The following DUXA variants were observed in gnomAD, a reference collection of about 807,000 sequenced individuals.
The protein encoded by DUXA is double homeobox protein A.
In DUXA, 25 loss-of-function variants were observed where a neutral mutation model predicts 27.5. That is an observed-to-expected ratio of 0.91 (90% CI 0.66 to 1.27). The LOEUF (loss-of-function observed/expected upper bound fraction) is 1.27. Ranked by LOEUF, DUXA falls within the 50% of genes most tolerant of loss-of-function variation. The pLI, the probability that DUXA is intolerant of heterozygous loss-of-function variation, is 0.00. For synonymous variants in DUXA, 90 were observed against 80.5 expected (o/e 1.12, Z -0.63); for missense variants, 247 against 242.9 (o/e 1.02, Z -0.11).
chr19:57,159,385 ATTAC>A (rs2087008949), intron 2 of DUXA, 107 bp from the exon 3 acceptor site: 2 of 967,694 alleles, frequency 2.1e-6, no homozygotes, highest in Admixed American at 2.6e-5. Flanking sequence ...GCCCAGGATT[ATTAC>A]TTACTTCTGT....
chr19:57,163,634 T>C (rs1330281942), intron 1 of DUXA, among the ~76,000 whole-genome samples: 1 of 151,752 alleles, frequency 6.6e-6, no homozygotes, highest in Non-Finnish European at 1.5e-5. Context: ...AGTGGAGACG[T>C]GGTTTTGCCA....
In DUXA at chr19:57,154,850, T is replaced by A. The variant is rs180964587; in HGVS notation, c.545-368A>T. ...AGTGCTGGGATTACAGGCGTGAGCC[T>A]CCATGCCCAGCCCCCACCTTTTCAA... is the stretch of plus-strand genomic sequence containing the variant. On this transcript the variant is annotated intron_variant, in intron 5 of 5. Coordinates refer to ENST00000554048, the MANE Select transcript of DUXA (RefSeq NM_001012729.2). Among the ~76,000 whole-genome samples the A allele has an allele frequency of 2.6e-3, 403 of 152,180 alleles. 1 individual carries two copies. Among genetic ancestry groups the A allele is most frequent in the Non-Finnish European group, 3.6e-3 (242 of 67,988 alleles).
intron 1 of DUXA, among the ~76,000 whole-genome samples, chr19:57,164,487 A>G (rs1034665444): frequency 6.6e-6 from 1 of 152,160 alleles, no homozygotes; most frequent in African/African-American, 2.4e-5. Flanking sequence ...AGGCGAGAGA[A>G]TCGCTTGAAC....
chr19:57,160,544 C>G (rs1031687125), intron 2 of DUXA, 99 bp downstream of exon 2: 15 of 1,408,338 alleles, frequency 1.1e-5, no homozygotes, highest in African/African-American at 7.2e-5. Flanking sequence ...ATACTCCCTA[C>G]CAAGCCCTCA....
intron 3 of DUXA, 56 bp from the exon 4 acceptor site, chr19:57,158,529 A>C (rs2087004081): frequency 6.3e-6 from 10 of 1,586,092 alleles, no homozygotes; most frequent in Non-Finnish European, 8.6e-7. Context: ...GCAAGGGTCC[A>C]TTCACATATT....
intron 1 of DUXA, among the ~76,000 whole-genome samples, chr19:57,164,135 C>G (rs1005040604): frequency 6.6e-6 from 1 of 152,208 alleles, no homozygotes; most frequent in Non-Finnish European, 1.5e-5. Context: ...CTAATGAACA[C>G]TGATGCAAAA....
intron 5 of DUXA, 85 bp from the exon 6 acceptor site, chr19:57,154,567 C>CTTTTT: frequency 6.4e-6 from 5 of 776,744 alleles, no homozygotes; most frequent in Middle Eastern, 3.8e-4. Flanking sequence ...CCCACCTTTT[C>CTTTTT]TTTTTTTTTT....
chr19:57,161,976 A>G (rs2087026320), intron 1 of DUXA, among the ~76,000 whole-genome samples: 1 of 152,004 alleles, frequency 6.6e-6, no homozygotes, highest in Non-Finnish European at 1.5e-5. Context: ...TGCAGCTTTC[A>G]CCTCCACAGG....
chr19:57,156,769 A>G (rs567230333), intron 4 of DUXA, among the ~76,000 whole-genome samples: 2 of 152,160 alleles, frequency 1.3e-5, no homozygotes, highest in East Asian at 3.9e-4. Context: ...GGTTCAAGCA[A>G]TTCTCCTGCC....
chr19:57,165,878 A>T (rs1331668136), intron 1 of DUXA, among the ~76,000 whole-genome samples: 1 of 151,994 alleles, frequency 6.6e-6, no homozygotes, highest in Non-Finnish European at 1.5e-5. Flanking sequence ...TTGATCTTTA[A>T]GGAGCTGAAA....
At chr19:57,165,320 A>ATATATATATATACATAT in intron 1 of DUXA, among the ~76,000 whole-genome samples, 1 of 96,638 alleles carries the variant, frequency 1.0e-5, no homozygotes, top group East Asian at 2.6e-4. Context: ...AAAAAAAAAA[A>ATATATATATATACATAT]AAAAATATAT....
At position 57,154,362 on chromosome 19, in the gene DUXA, C is replaced by T; in HGVS notation, c.*50G>A. On this transcript the variant is annotated 3_prime_UTR_variant, in exon 6 of 6. Coordinates refer to ENST00000554048, the MANE Select transcript of DUXA (RefSeq NM_001012729.2). ...ATAGACTCCCAGGAAGACCGTGAGACAGATTTGGGGTCCAGTTGATATTAT... is the reference window on the plus strand; with the variant it reads ...ATAGACTCCCAGGAAGACCGTGAGATAGATTTGGGGTCCAGTTGATATTAT... 1 of 1,536,146 alleles carries T rather than the reference C, an allele frequency of 6.5e-7. No homozygotes were observed. The highest frequency in any genetic ancestry group is 9.0e-7 in the Non-Finnish European group (1 of 1,110,728).
chr19:57,167,040 T>C (rs2087058499), intron 1 of DUXA, among the ~76,000 whole-genome samples: 1 of 152,174 alleles, frequency 6.6e-6, no homozygotes, highest in Non-Finnish European at 1.5e-5. Context: ...AGGAAAGTGC[T>C]TTCCAGATCT....
At chr19:57,156,627 A>G (rs1228885687) in intron 4 of DUXA, among the ~76,000 whole-genome samples, 6 of 151,772 alleles carry the variant, frequency 4.0e-5, no homozygotes, top group African/African-American at 1.5e-4. Flanking sequence ...AGCCTCTAAA[A>G]CTGCTGGGAT....
At chr19:57,162,421 A>G (rs778944228) in intron 1 of DUXA, among the ~76,000 whole-genome samples, 6 of 152,202 alleles carry the variant, frequency 3.9e-5, no homozygotes, top group Non-Finnish European at 7.3e-5. Flanking sequence ...GGAAGATACC[A>G]TTTCGTAACA....
chr19:57,159,676 G>C lies in DUXA; in HGVS notation c.181-398C>G, dbSNP rs957217233. Reference sequence around the variant, plus strand: ...GATCCACCCACCTCGGCTTCCCAAAGTGCTGGGATTATAAGCATGACCTAC... The same window carrying C: ...GATCCACCCACCTCGGCTTCCCAAACTGCTGGGATTATAAGCATGACCTAC... On this transcript the variant is annotated intron_variant, in intron 2 of 5. Transcript: ENST00000554048. Among the ~76,000 whole-genome samples, 9 of 151,564 alleles carry C rather than the reference G, an allele frequency of 5.9e-5. No individual in the cohort carries two copies. In the South Asian group the frequency reaches 1.9e-3, roughly 32 times the overall value.
At chr19:57,154,787 TCTC>T (rs1481204625) in intron 5 of DUXA, among the ~76,000 whole-genome samples, 1 of 152,028 alleles carries the variant, frequency 6.6e-6, no homozygotes, top group Non-Finnish European at 1.5e-5. Context: ...ATGGTCTCGA[TCTC>T]CTGACCTCGT....
chr19:57,157,783 G>A (rs1016179596), intron 4 of DUXA, among the ~76,000 whole-genome samples: 162 of 152,066 alleles, frequency 1.1e-3, no homozygotes, highest in African/African-American at 3.7e-3. Context: ...CTGAGGCCAG[G>A]AGTTCAAGAT....
chr19:57,166,147 A>G (rs1248854337), intron 1 of DUXA, among the ~76,000 whole-genome samples: 2 of 152,124 alleles, frequency 1.3e-5, no homozygotes, highest in African/African-American at 4.8e-5. Flanking sequence ...GTCCTATTTG[A>G]CATAAGGCAA....
Sources: gnomAD v4.1 joint callset for allele counts (sites outside exome capture counted in the v4.1 genomes callset) on GRCh38, gnomAD v4.1.1 for gene constraint, MANE v1.5 for transcripts, NCBI Gene and HGNC (gene_info 2026-07-23, HGNC 2026-07-21) for gene names.